Variants in CADM2 observed in about 807,000 individuals in gnomAD.
The protein encoded by CADM2 is cell adhesion molecule 2.
Under a neutral mutation model 49.8 loss-of-function variants are expected in CADM2, and 12 were observed. That is an observed-to-expected ratio of 0.24 (90% CI 0.15 to 0.39). The LOEUF (loss-of-function observed/expected upper bound fraction) is 0.39, where lower values mean the gene tolerates loss of function less well. Ranked by LOEUF, CADM2 falls within the 10% of genes least tolerant of loss-of-function variation. The pLI, the probability that CADM2 is intolerant of heterozygous loss-of-function variation, is 1.00. For synonymous variants in CADM2, 214 were observed against 175.4 expected, an observed-to-expected ratio of 1.22 and a Z score of -1.74; for missense variants, 378 against 492.3, an observed-to-expected ratio of 0.77 and a Z score of 2.20.
At chr3:85,234,143 T>C (rs183704562) in intron 1 of CADM2, among the ~76,000 whole-genome samples, 1 of 152,196 alleles carries the variant, frequency 6.6e-6, no homozygotes, top group African/African-American at 2.4e-5. Context: ...AGATGGTAAA[T>C]TGTGAAGCAA....
intron 1 of CADM2, among the ~76,000 whole-genome samples, chr3:85,317,689 C>G (rs1264627505): frequency 6.6e-6 from 1 of 152,154 alleles, no homozygotes; most frequent in Non-Finnish European, 1.5e-5. Context: ...TTTATCCATT[C>G]ATGAGGGCAG....
At chr3:85,938,731 A>C (rs1177014043) in intron 7 of CADM2, among the ~76,000 whole-genome samples, 1 of 152,074 alleles carries the variant, frequency 6.6e-6, no homozygotes, top group Non-Finnish European at 1.5e-5. Flanking sequence ...AGTATTAAGT[A>C]AGCTTAGTAT....
At chr3:85,185,305 T>C (rs1259083540) in intron 1 of CADM2, among the ~76,000 whole-genome samples, 2 of 148,978 alleles carry the variant, frequency 1.3e-5, no homozygotes, top group African/African-American at 5.2e-5. Context: ...TAACTACTCT[T>C]TCTGTTCCTT....
intron 1 of CADM2, among the ~76,000 whole-genome samples, chr3:85,387,277 G>A (rs1478063893): frequency 6.6e-6 from 1 of 152,076 alleles, no homozygotes; most frequent in East Asian, 1.9e-4. Flanking sequence ...ATATTCACTG[G>A]AAATTTTTTA....
intron 8 of CADM2, among the ~76,000 whole-genome samples, chr3:86,061,910 A>T (rs549139748): frequency 6.6e-6 from 1 of 151,748 alleles, no homozygotes; most frequent in South Asian, 2.1e-4. Context: ...CCACATCAGA[A>T]TGGCAAAATA....
intron 1 of CADM2, among the ~76,000 whole-genome samples, chr3:85,248,658 A>C (rs1392519724): frequency 6.6e-6 from 1 of 152,204 alleles, no homozygotes; most frequent in African/African-American, 2.4e-5. Flanking sequence ...TGTCACTGTG[A>C]TAGGTTGTGG....
rs530551902 is a variant in CADM2 at position 85,068,565 on chromosome 3, G to T, written c.61+108897G>T. Among the ~76,000 whole-genome samples, 117 of 152,236 alleles carry T rather than the reference G, an allele frequency of 7.7e-4. No individual in the cohort carries two copies. The South Asian group carries it at 0.024, about 32-fold the overall frequency. On this transcript the variant is annotated intron_variant, in intron 1 of 9. Coordinates refer to ENST00000383699, the MANE Select transcript of CADM2 (RefSeq NM_001167675.2). ...AGTCAGACAGTACATTGAGAAAAAT[G>T]CTCACCAATAAGTTCTCCAGCACGT...
intron 1 of CADM2, among the ~76,000 whole-genome samples, chr3:85,603,464 T>G (rs73141532): frequency 0.37 from 55,539 of 151,676 alleles, 11,511 homozygotes; most frequent in Middle Eastern, 0.46. Flanking sequence ...AAGAAGAAAC[T>G]TATGTGTCAG....
chr3:85,972,553 G>T (rs892242821), intron 8 of CADM2, among the ~76,000 whole-genome samples: 1 of 151,746 alleles, frequency 6.6e-6, no homozygotes, highest in Non-Finnish European at 1.5e-5. Context: ...CTAGTCCTTG[G>T]AGAGAAACAA....
intron 1 of CADM2, among the ~76,000 whole-genome samples, chr3:85,709,710 G>A (rs1389003224): frequency 6.6e-6 from 1 of 152,066 alleles, no homozygotes; most frequent in East Asian, 1.9e-4. Flanking sequence ...TTGGAGTGAG[G>A]ACAAATGCTC....
At chr3:85,021,001 C>G (rs780671809) in intron 1 of CADM2, among the ~76,000 whole-genome samples, 10 of 151,288 alleles carry the variant, frequency 6.6e-5, no homozygotes, top group Non-Finnish European at 1.3e-4. Flanking sequence ...ACTGTAATTG[C>G]AGCACTTTGG....
At chr3:85,412,329 G>T (rs1190906386) in intron 1 of CADM2, among the ~76,000 whole-genome samples, 3 of 152,114 alleles carry the variant, frequency 2.0e-5, no homozygotes, top group Non-Finnish European at 4.4e-5. Context: ...TATTTCTAAT[G>T]TGTTTTCTTA....
chr3:85,100,109 G>GT (rs2037955950), intron 1 of CADM2, among the ~76,000 whole-genome samples: 2 of 151,996 alleles, frequency 1.3e-5, no homozygotes, highest in Non-Finnish European at 2.9e-5. Context: ...TTCTTTCCCA[G>GT]GTAAAACAGT....
At chr3:85,331,973 C>T (rs188513814) in intron 1 of CADM2, among the ~76,000 whole-genome samples, 1 of 152,174 alleles carries the variant, frequency 6.6e-6, no homozygotes, top group Non-Finnish European at 1.5e-5. Flanking sequence ...GAGAGCAGTA[C>T]AAAAGGTCAA....
intron 6 of CADM2, among the ~76,000 whole-genome samples, chr3:85,915,623 G>T (rs765391795): frequency 2.6e-5 from 4 of 152,070 alleles, no homozygotes; most frequent in Non-Finnish European, 5.9e-5. Flanking sequence ...GCTGCACTTA[G>T]ATCCACATGT....
chr3:86,033,050 G>A (rs11922904), intron 8 of CADM2, among the ~76,000 whole-genome samples: 34,568 of 150,910 alleles, frequency 0.23, 4,293 homozygotes, highest in East Asian at 0.33. Context: ...TCCTCTTTTG[G>A]CTCCTTCTTT....
intron 1 of CADM2, among the ~76,000 whole-genome samples, chr3:85,206,596 C>T (rs1019066251): frequency 2.0e-5 from 3 of 151,950 alleles, no homozygotes; most frequent in South Asian, 2.1e-4. Flanking sequence ...CGTGAGCCAC[C>T]GCGCCCGGCC....
intron 1 of CADM2, among the ~76,000 whole-genome samples, chr3:85,359,497 G>T (rs1324206872): frequency 6.6e-6 from 1 of 150,754 alleles, no homozygotes; most frequent in Non-Finnish European, 1.5e-5. Context: ...CAAGTTGTGT[G>T]TCAGTGAAAT....
chr3:85,031,369 T>C (rs2034970064), intron 1 of CADM2, among the ~76,000 whole-genome samples: 1 of 152,182 alleles, frequency 6.6e-6, no homozygotes, highest in Non-Finnish European at 1.5e-5. Flanking sequence ...ATTTATCTTA[T>C]CTTGATTTTC....
Sources: allele counts gnomAD v4.1 joint callset (sites outside exome capture counted in the v4.1 genomes callset), GRCh38; gene constraint gnomAD v4.1.1; transcripts MANE v1.5; gene names NCBI Gene and HGNC (gene_info 2026-07-23, HGNC 2026-07-21).